Variants in NEK11 observed in about 807,000 individuals in gnomAD.
NEK11 encodes serine/threonine-protein kinase Nek11.
Under a neutral mutation model 80.7 loss-of-function variants are expected in NEK11, and 72 were observed. The observed-to-expected ratio is 0.89, with a 90% CI of 0.74 to 1.08. The LOEUF (loss-of-function observed/expected upper bound fraction) is 1.08. Among genes scored for constraint, NEK11 ranks in the 50% least tolerant of loss-of-function variants. The pLI, the probability that NEK11 is intolerant of heterozygous loss-of-function variation, is 0.00. For synonymous variants in NEK11, 251 were observed against 260.7 expected (o/e 0.96, Z 0.36); for missense variants, 764 against 763.6 (o/e 1.00, Z -0.01).
chr3:131,078,633 G>A (rs1267968427), intron 3 of NEK11, among the ~76,000 whole-genome samples: 1 of 152,080 alleles, frequency 6.6e-6, no homozygotes, highest in East Asian at 1.9e-4. Context: ...GTAAAACAGA[G>A]GGAGAGGCTT....
At chr3:131,220,312 C>G (rs1174256739) in intron 14 of NEK11, among the ~76,000 whole-genome samples, 3 of 151,964 alleles carry the variant, frequency 2.0e-5, no homozygotes, top group African/African-American at 7.3e-5. Flanking sequence ...CATAGGTTTC[C>G]TATACATATG....
intron 17 of NEK11, among the ~76,000 whole-genome samples, chr3:131,302,181 A>G (rs975741384): frequency 6.6e-6 from 1 of 150,800 alleles, no homozygotes; most frequent in Non-Finnish European, 1.5e-5. Context: ...ATTTTTTTTT[A>G]TTTCTATAGG....
At chr3:131,175,196 T>A in intron 14 of NEK11, 1 of 817,258 alleles carries the variant, frequency 1.2e-6, no homozygotes, top group Non-Finnish European at 1.5e-6. Flanking sequence ...ACTCACTAAT[T>A]CCACTTTTAG....
intron 9 of NEK11, 157 bp from the exon 10 acceptor site, chr3:131,154,879 T>G (rs1400013): frequency 0.51 from 273,276 of 539,252 alleles, 74,484 homozygotes; most frequent in Middle Eastern, 0.65. Context: ...AAGCTACATG[T>G]AATTTTACAT....
intron 14 of NEK11, among the ~76,000 whole-genome samples, chr3:131,209,080 A>G (rs562163920): frequency 8.5e-5 from 13 of 152,294 alleles, no homozygotes; most frequent in Admixed American, 7.2e-4. Flanking sequence ...TTGCCCATTC[A>G]GTATGATATT....
intron 17 of NEK11, among the ~76,000 whole-genome samples, chr3:131,302,768 A>C (rs1477403296): frequency 1.3e-5 from 2 of 151,856 alleles, no homozygotes; most frequent in Non-Finnish European, 2.9e-5. Flanking sequence ...GTTGTGGCTG[A>C]TTGTATGTTT....
chr3:131,037,851 T>C (rs2065884626), intron 3 of NEK11, among the ~76,000 whole-genome samples: 1 of 152,226 alleles, frequency 6.6e-6, no homozygotes, highest in South Asian at 2.1e-4. Context: ...TCAATCTATG[T>C]ATTCTTATTA....
intron 17 of NEK11, among the ~76,000 whole-genome samples, chr3:131,341,982 G>A (rs540207719): frequency 7.6e-4 from 116 of 152,048 alleles, no homozygotes; most frequent in Non-Finnish European, 1.2e-3. Flanking sequence ...AATGATGGTG[G>A]GTATTTAAGT....
chr3:131,333,928 T>C (rs1015675074), intron 17 of NEK11, among the ~76,000 whole-genome samples: 4 of 152,198 alleles, frequency 2.6e-5, no homozygotes, highest in Admixed American at 6.5e-5. Flanking sequence ...CTATCCTAAA[T>C]GTATATGCAT....
intron 9 of NEK11, among the ~76,000 whole-genome samples, chr3:131,154,144 G>C (rs528352804): frequency 1.3e-5 from 2 of 152,242 alleles, no homozygotes; most frequent in Admixed American, 1.3e-4. Context: ...GGCAGGCTTA[G>C]GTTTCCTGAT....
intron 4 of NEK11, among the ~76,000 whole-genome samples, chr3:131,109,012 T>A (rs1422625828): frequency 6.6e-6 from 1 of 152,140 alleles, no homozygotes; most frequent in Non-Finnish European, 1.5e-5. Context: ...AAGTTTTATA[T>A]GTTAAGATTC....
At chr3:131,225,417 CT>C (rs2095163360) in intron 14 of NEK11, among the ~76,000 whole-genome samples, 2 of 152,140 alleles carry the variant, frequency 1.3e-5, no homozygotes, top group South Asian at 4.2e-4. Context: ...AGAACATATC[CT>C]CGTTGTTAAG....
At chr3:131,117,418 G>A (rs145323228) in intron 5 of NEK11, among the ~76,000 whole-genome samples, 2 of 152,000 alleles carry the variant, frequency 1.3e-5, no homozygotes, top group South Asian at 2.1e-4. Flanking sequence ...GTGATGCCTC[G>A]AGCTTTGTTC....
rs770644981 is a variant in NEK11, at chr3:131,109,879, G to C, written c.413G>C (p.Trp138Ser). 1 of 1,600,962 alleles carries C rather than the reference G, an allele frequency of 6.2e-7. No homozygotes were observed. Among genetic ancestry groups the C allele is most frequent in the South Asian group, 1.1e-5 (1 of 88,446 alleles). ...KIFPENQIIE[W>S]FIQLLLGVDY... ...TTTCCAGAAAATCAAATAATAGAAT[G>C]GTTTATCCAGCTGCTGCTGGGAGTT... The change falls in exon 5 of 18, where the codon TGG (tryptophan) becomes TCG (serine). Residue 138 changes from tryptophan (W) to serine (S), a missense_variant. Transcript: ENST00000383366.
intron 3 of NEK11, among the ~76,000 whole-genome samples, chr3:131,038,094 A>G: frequency 6.6e-6 from 1 of 152,286 alleles, no homozygotes; most frequent in East Asian, 1.9e-4. Context: ...CTTCCTGCTT[A>G]TCTTTTAAGA....
At chr3:131,110,720 G>C (rs959527306) in intron 5 of NEK11, among the ~76,000 whole-genome samples, 1 of 152,108 alleles carries the variant, frequency 6.6e-6, no homozygotes, top group Admixed American at 6.6e-5. Context: ...ACGAAAGGGG[G>C]TAATTTATAA....
At chr3:131,094,990 G>A (rs1578176072) in intron 4 of NEK11, among the ~76,000 whole-genome samples, 2 of 152,118 alleles carry the variant, frequency 1.3e-5, no homozygotes, top group African/African-American at 4.8e-5. Context: ...AACTGTCCAA[G>A]CCCTCCATTA....
intron 7 of NEK11, among the ~76,000 whole-genome samples, chr3:131,135,241 C>A (rs1337938765): frequency 6.6e-6 from 1 of 152,156 alleles, no homozygotes; most frequent in Admixed American, 6.5e-5. Flanking sequence ...GAATCCCGTC[C>A]TTTCAATTCA....
chr3:131,087,389 G>A (rs1025502267), intron 4 of NEK11, among the ~76,000 whole-genome samples: 15 of 151,948 alleles, frequency 9.9e-5, no homozygotes, highest in Non-Finnish European at 1.9e-4. Context: ...GACTACTGGC[G>A]CGTGCCACCA....
Sources: allele counts gnomAD v4.1 joint callset (sites outside exome capture counted in the v4.1 genomes callset), GRCh38; gene constraint gnomAD v4.1.1; transcripts MANE v1.5; gene names NCBI Gene and HGNC (gene_info 2026-07-23, HGNC 2026-07-21).